PDZRN4: variants seen among roughly 807,000 people sequenced by gnomAD.
The protein encoded by PDZRN4 is PDZ domain-containing RING finger protein 4.
In PDZRN4, 70 loss-of-function variants were observed where a neutral mutation model predicts 99.0. The observed-to-expected ratio is 0.71, with a 90% CI of 0.58 to 0.86. The LOEUF (loss-of-function observed/expected upper bound fraction) is 0.86. PDZRN4 is among the 40% of genes least tolerant of loss of function. The pLI is 0.00. For missense variants in PDZRN4, 1,474 were observed against 1,331.2 expected, an observed-to-expected ratio of 1.11 and a Z score of -1.67; for synonymous variants, 551 against 501.6, an observed-to-expected ratio of 1.10 and a Z score of -1.32.
chr12:41,326,629 G>A (rs1951711212), intron 3 of PDZRN4, among the ~76,000 whole-genome samples: 2 of 152,098 alleles, frequency 1.3e-5, no homozygotes, highest in Admixed American at 1.3e-4. Flanking sequence ...GAAGGTCTAA[G>A]CAACAAACAA....
intron 3 of PDZRN4, among the ~76,000 whole-genome samples, chr12:41,491,633 G>A (rs1401583377): frequency 6.6e-6 from 1 of 152,142 alleles, no homozygotes; most frequent in Non-Finnish European, 1.5e-5. Context: ...GGATCACTGG[G>A]AGAGCCTGTG....
Position 41,356,456 on chromosome 12 carries a change from A to G in PDZRN4, c.844-150000A>G, listed in dbSNP as rs560357948. Among the ~76,000 whole-genome samples the G allele has an allele frequency of 6.2e-4, 94 of 152,090 alleles. 1 individual carries two copies. Among genetic ancestry groups the G allele is most frequent in the African/African-American group, 2.2e-3 (93 of 41,550 alleles). On this transcript the variant is annotated intron_variant, in intron 3 of 9. Transcript: ENST00000402685. Reference sequence around the variant, plus strand: ...ATCTATACTGAAGGCCTTAAGAAGGAGTGTATTCATGCTTATTCCTTGATA... The same window carrying G: ...ATCTATACTGAAGGCCTTAAGAAGGGGTGTATTCATGCTTATTCCTTGATA...
At chr12:41,242,076 C>CT (rs368300868) in intron 3 of PDZRN4, among the ~76,000 whole-genome samples, 2,639 of 152,250 alleles carry the variant, frequency 0.017, 41 homozygotes, top group East Asian at 0.059. Context: ...GCAAGTGGGT[C>CT]TAGAGTTCCT....
chr12:41,188,732 A>C lies in PDZRN4; in HGVS notation c.277A>C (p.Arg93=). The change falls in exon 1 of 10, where the codon AGG becomes CGG. Residue 93 remains arginine (R), a synonymous_variant. Transcript: ENST00000402685. The part of the protein sequence containing the change: ...YRARGCGHSV[R]LHELEAHVEH... ...CGCCCGCGGCTGCGGCCACTCGGTC[A>C]GGCTGCACGAGCTGGAGGCGCACGT... 1 of 1,548,376 alleles carries C rather than the reference A, an allele frequency of 6.5e-7. No individual in the cohort carries two copies. Among genetic ancestry groups the C allele is most frequent in the Non-Finnish European group, 8.6e-7 (1 of 1,158,456 alleles).
intron 3 of PDZRN4, among the ~76,000 whole-genome samples, chr12:41,356,082 A>T (rs1190760418): frequency 6.6e-6 from 1 of 152,062 alleles, no homozygotes; most frequent in Non-Finnish European, 1.5e-5. Flanking sequence ...TCTGGCCATT[A>T]TCTCTCTGAT....
intron 3 of PDZRN4, among the ~76,000 whole-genome samples, chr12:41,353,012 G>A (rs888675059): frequency 6.6e-6 from 1 of 152,056 alleles, no homozygotes; most frequent in African/African-American, 2.4e-5. Flanking sequence ...AATATAGTTG[G>A]CAAGCAAATC....
At chr12:41,537,770 A>G (rs1025396508) in intron 5 of PDZRN4, among the ~76,000 whole-genome samples, 1 of 152,186 alleles carries the variant, frequency 6.6e-6, no homozygotes, top group Non-Finnish European at 1.5e-5. Context: ...AGGGAGTAGA[A>G]AGTAAGGGGG....
At chr12:41,295,857 T>A (rs1389016533) in intron 3 of PDZRN4, among the ~76,000 whole-genome samples, 2 of 152,130 alleles carry the variant, frequency 1.3e-5, no homozygotes, top group Non-Finnish European at 2.9e-5. Context: ...TTGCAAAAAG[T>A]TTATGGGGAC....
At chr12:41,541,305 A>T (rs1411754876) in intron 5 of PDZRN4, among the ~76,000 whole-genome samples, 1 of 151,994 alleles carries the variant, frequency 6.6e-6, no homozygotes, top group Non-Finnish European at 1.5e-5. Flanking sequence ...GCAGTGTCTC[A>T]ACTCTTGTGC....
At chr12:41,359,035 C>A (rs2121054536) in intron 3 of PDZRN4, among the ~76,000 whole-genome samples, 1 of 152,082 alleles carries the variant, frequency 6.6e-6, no homozygotes, top group African/African-American at 2.4e-5. Context: ...ACCACTTCAG[C>A]CCATTTCTAT....
At chr12:41,311,755 C>G (rs769566605) in intron 3 of PDZRN4, among the ~76,000 whole-genome samples, 1 of 152,106 alleles carries the variant, frequency 6.6e-6, no homozygotes, top group Non-Finnish European at 1.5e-5. Flanking sequence ...AACAGAAATA[C>G]ATTTATATCA....
In PDZRN4 at chr12:41,564,820, T is replaced by A. The variant is rs577297934; in HGVS notation, c.1467+1171T>A. Among the ~76,000 whole-genome samples the A allele has an allele frequency of 1.5e-4, 23 of 152,248 alleles. No homozygotes were observed. The South Asian group carries it at 2.7e-3, about 18-fold the overall frequency. ...ATTATCTGGAAATTTCTCAACCCAGTTATCTCGCTGCTCCCATTTTCTTCA... is the reference window on the plus strand; with the variant it reads ...ATTATCTGGAAATTTCTCAACCCAGATATCTCGCTGCTCCCATTTTCTTCA... On this transcript the variant is annotated intron_variant, in intron 8 of 9. Coordinates refer to ENST00000402685, the MANE Select transcript of PDZRN4 (RefSeq NM_001164595.2).
chr12:41,431,078 C>T lies in PDZRN4; in HGVS notation c.844-75378C>T, dbSNP rs137983628. 2.5e-4 allele frequency among the ~76,000 whole-genome samples: 38 copies of T among 152,264 alleles called. No homozygotes were observed. The East Asian group carries it at 5.8e-3, about 23-fold the overall frequency. The stretch of plus-strand genomic sequence containing the variant: ...TTGGTAAACCATGATCTAATCACCT[C>T]GCACTAGGCCCCACCTCCAACACTG... On this transcript the variant is annotated intron_variant, in intron 3 of 9. Coordinates refer to ENST00000402685, the MANE Select transcript of PDZRN4 (RefSeq NM_001164595.2).
At chr12:41,557,565 C>T (rs1939189812) in intron 7 of PDZRN4, among the ~76,000 whole-genome samples, 1 of 152,188 alleles carries the variant, frequency 6.6e-6, no homozygotes, top group African/African-American at 2.4e-5. Context: ...CCTGCGTGGC[C>T]TGGGCACATG....
intron 3 of PDZRN4, among the ~76,000 whole-genome samples, chr12:41,419,789 C>A (rs994770877): frequency 6.6e-6 from 1 of 152,166 alleles, no homozygotes; most frequent in African/African-American, 2.4e-5. Context: ...ATCAAACTAG[C>A]CAGCTGTCAG....
intron 3 of PDZRN4, among the ~76,000 whole-genome samples, chr12:41,365,922 A>T (rs1951996716): frequency 6.6e-6 from 1 of 152,136 alleles, no homozygotes; most frequent in Non-Finnish European, 1.5e-5. Flanking sequence ...AAGCCTTACA[A>T]GTGTGAAATA....
At chr12:41,306,564 C>T (rs898440927) in intron 3 of PDZRN4, among the ~76,000 whole-genome samples, 1 of 152,182 alleles carries the variant, frequency 6.6e-6, no homozygotes, top group African/African-American at 2.4e-5. Flanking sequence ...TTGTATCCAA[C>T]GGTCAGTCAG....
intron 5 of PDZRN4, among the ~76,000 whole-genome samples, chr12:41,517,025 C>T (rs1215398653): frequency 1.3e-5 from 2 of 151,996 alleles, no homozygotes; most frequent in Non-Finnish European, 2.9e-5. Context: ...AAGTTGGCAA[C>T]AGTTACCACA....
At chr12:41,222,151 G>A (rs1214182335) in intron 3 of PDZRN4, among the ~76,000 whole-genome samples, 1 of 152,142 alleles carries the variant, frequency 6.6e-6, no homozygotes, top group African/African-American at 2.4e-5. Flanking sequence ...GGAGCACATA[G>A]TCTACCATGC....
Sources: gnomAD v4.1 joint callset for allele counts (sites outside exome capture counted in the v4.1 genomes callset) on GRCh38, gnomAD v4.1.1 for gene constraint, MANE v1.5 for transcripts, NCBI Gene and HGNC (gene_info 2026-07-23, HGNC 2026-07-21) for gene names.